The following MKRN2 variants were observed in gnomAD, a reference collection of about 807,000 sequenced individuals.
MKRN2 encodes the protein makorin ring finger protein 2.
In MKRN2, 32 loss-of-function variants were observed where a neutral mutation model predicts 45.4. The ratio of observed to expected loss-of-function variants is 0.70; its 90% confidence interval spans 0.53 to 0.95. The LOEUF (loss-of-function observed/expected upper bound fraction) is 0.95. Ranked by LOEUF, MKRN2 falls within the 40% of genes least tolerant of loss-of-function variation. The pLI is 0.00. For synonymous variants in MKRN2, 206 were observed against 192.4 expected (o/e 1.07, Z -0.59); for missense variants, 526 against 536.7 (o/e 0.98, Z 0.20).
In MKRN2 at chr3:12,582,959, G is replaced by GC. The variant is rs1233660312; in HGVS notation, c.*709dup. On this transcript the variant is annotated 3_prime_UTR_variant, in exon 8 of 8. Transcript: ENST00000170447. ...AGGTACAGTACTGGGTAGCAGTCTG[G>GC]CCCTCCTGTCGTCTGGTTGGTGTTG... 15 of 152,240 alleles carry GC rather than the reference G, an allele frequency of 9.9e-5. No individual in the cohort carries two copies. The highest frequency in any genetic ancestry group is 3.6e-4 in the African/African-American group (15 of 41,456). 9.4% of individuals were successfully genotyped at this position (152,240 alleles called of 1,614,324 possible). A position where few individuals can be genotyped will look rare whatever the true frequency, so the allele number is the denominator to read the frequency against.
At position 12,568,899 on chromosome 3, in the gene MKRN2, G is replaced by A; in HGVS notation, c.51G>A (p.Arg17=). 6.2e-7 allele frequency: 1 copy of A among 1,613,906 alleles called. No individual in the cohort carries two copies. Among genetic ancestry groups the A allele is most frequent in the East Asian group, 2.2e-5 (1 of 44,878 alleles). The change falls in exon 2 of 8, where the codon CGG becomes CGA. Residue 17 remains arginine, a synonymous_variant. Transcript: ENST00000170447. ...TCRYFMHGVC[R]EGSQCLFSHD... ...GGTATTTTATGCATGGTGTGTGTCG[G>A]GAAGGAAGTCAGTGCCTATTCTCAC... is the stretch of plus-strand genomic sequence containing the variant.
intron 1 of MKRN2, among the ~76,000 whole-genome samples, chr3:12,567,844 A>G (rs2058078242): frequency 6.6e-6 from 1 of 152,080 alleles, no homozygotes; most frequent in South Asian, 2.1e-4. Flanking sequence ...CTGTTTGAGT[A>G]TTCACTCAGG....
Position 12,581,941 on chromosome 3 carries a change from G to C in MKRN2, c.1102G>C (p.Gly368Arg), listed in dbSNP as rs2058182740. ...ACCTCGGAAACAGCTCAGTTCTCAAGGCACTGTGAGGGTAAGGACTTTAGC... is the reference window on the plus strand; with the variant it reads ...ACCTCGGAAACAGCTCAGTTCTCAACGCACTGTGAGGGTAAGGACTTTAGC... ...EKPRKQLSSQ[G>R]TVRFFNSVRL... The change falls in exon 7 of 8, where the codon GGC (glycine) becomes CGC (arginine). Residue 368 changes from glycine (G) to arginine (R), a missense_variant. Gly to Arg is a moderately radical substitution (Grantham distance 125). Transcript: ENST00000170447. The C allele has an allele frequency of 6.2e-7, 1 of 1,614,124 alleles. No homozygotes were observed. The highest frequency in any genetic ancestry group is 8.5e-7 in the Non-Finnish European group (1 of 1,180,034).
rs1165369144 is a variant in MKRN2, at chr3:12,557,160, A to C, written c.10A>C (p.Lys4Gln). The change falls in exon 1 of 8, where the codon AAG becomes CAG. Residue 4 changes from lysine (K) to glutamine (Q), a missense_variant. Coordinates refer to ENST00000170447, the MANE Select transcript of MKRN2 (RefSeq NM_014160.5). MST[K>Q]QITCRYFMHG... ...CCTCAGCCCAGCCACCATGAGCACC[A>C]AGCAGATCACTTGCAGGTCAGTGCG... The C allele has an allele frequency of 6.5e-7, 1 of 1,536,558 alleles. No homozygotes were observed. The highest frequency in any genetic ancestry group is 1.2e-5 in the South Asian group (1 of 82,628).
At chr3:12,573,162 G>T (rs188416754) in intron 4 of MKRN2, among the ~76,000 whole-genome samples, 386 of 152,222 alleles carry the variant, frequency 2.5e-3, no homozygotes, top group Non-Finnish European at 3.9e-3. Flanking sequence ...ATTAATGTCT[G>T]CAGTGTTTTG....
intron 6 of MKRN2, among the ~76,000 whole-genome samples, chr3:12,578,312 C>CTTTTTTTTTTTTTTT (rs71063833): frequency 1.4e-5 from 1 of 71,716 alleles, no homozygotes; most frequent in African/African-American, 5.7e-5. Context: ...AGAGCTACTT[C>CTTTTTTTTTTTTTTT]TTTTTTTTTT....
In MKRN2 at chr3:12,572,088, A is replaced by G. The variant is rs762374556; in HGVS notation, c.357A>G (p.Glu119=). ...TTTCAGATCTCTCTGGCATGGCTGAAAGGAAGACCCAGCCGAGCATGGTGA... is the reference window on the plus strand; with the variant it reads ...TTTCAGATCTCTCTGGCATGGCTGAGAGGAAGACCCAGCCGAGCATGGTGA... ...LRDRNLSGMA[E]RKTQPSMVSN... The change falls in exon 4 of 8, where the codon GAA becomes GAG. Residue 119 remains glutamate (E), a synonymous_variant. Coordinates refer to ENST00000170447, the MANE Select transcript of MKRN2 (RefSeq NM_014160.5). 1 of 1,609,050 alleles carries G rather than the reference A, an allele frequency of 6.2e-7. No homozygotes were observed. Among genetic ancestry groups the G allele is most frequent in the African/African-American group, 1.3e-5 (1 of 74,778 alleles).
chr3:12,557,571 A>G (rs1300506392), intron 1 of MKRN2, among the ~76,000 whole-genome samples: 28 of 152,280 alleles, frequency 1.8e-4, no homozygotes, highest in Non-Finnish European at 1.3e-4. Context: ...TGGGGATACC[A>G]CATAGGAGTA....
At chr3:12,567,289 T>C (rs929140843) in intron 1 of MKRN2, among the ~76,000 whole-genome samples, 1 of 151,896 alleles carries the variant, frequency 6.6e-6, no homozygotes, top group Non-Finnish European at 1.5e-5. Context: ...TTTTTTCTTT[T>C]GTGAGACAGG....
Position 12,581,844 on chromosome 3 carries a change from G to C in MKRN2, c.1005G>C (p.Gly335=). 2 of 1,614,172 alleles carry C rather than the reference G, an allele frequency of 1.2e-6. No individual in the cohort carries two copies. The highest frequency in any genetic ancestry group is 1.7e-6 in the Non-Finnish European group (2 of 1,180,042). ...GTAAATACTTTGAGCAAGGCAAGGG[G>C]ACCTGCCCATTTGGAAGCAAATGTC... The part of the protein sequence containing the change: ...KACKYFEQGK[G]TCPFGSKCLY... The change falls in exon 7 of 8, where the codon GGG becomes GGC. Residue 335 remains glycine, a synonymous_variant. Coordinates refer to ENST00000170447, the MANE Select transcript of MKRN2 (RefSeq NM_014160.5).
intron 6 of MKRN2, among the ~76,000 whole-genome samples, chr3:12,578,858 A>ATT (rs374121518): frequency 0.012 from 1,553 of 125,102 alleles, 23 homozygotes; most frequent in African/African-American, 0.014. Context: ...CTAAAGCTTG[A>ATT]TTTTTTTTTT....
chr3:12,567,839 T>G (rs959322176), intron 1 of MKRN2, among the ~76,000 whole-genome samples: 3 of 152,178 alleles, frequency 2.0e-5, no homozygotes, highest in Non-Finnish European at 4.4e-5. Flanking sequence ...CTCTACTGTT[T>G]GAGTATTCAC....
At chr3:12,572,017 C>T in intron 3 of MKRN2, 52 bp from the exon 4 acceptor site, 2 of 1,507,358 alleles carry the variant, frequency 1.3e-6, no homozygotes, top group Non-Finnish European at 1.8e-6. Flanking sequence ...TAACGGCATA[C>T]CAGAAAAATG....
chr3:12,565,083 A>G (rs934998298), intron 1 of MKRN2, among the ~76,000 whole-genome samples: 10 of 152,240 alleles, frequency 6.6e-5, no homozygotes, highest in African/African-American at 2.4e-4. Flanking sequence ...TGCTTTGGAC[A>G]TTCATGTACA....
At chr3:12,575,587 A>G (rs1266826436) in intron 5 of MKRN2, among the ~76,000 whole-genome samples, 1 of 152,106 alleles carries the variant, frequency 6.6e-6, no homozygotes, top group Non-Finnish European at 1.5e-5. Flanking sequence ...CATTCCCTCA[A>G]AGACCCTCCT....
At chr3:12,557,655 A>G (rs1370311345) in intron 1 of MKRN2, among the ~76,000 whole-genome samples, 2 of 152,282 alleles carry the variant, frequency 1.3e-5, no homozygotes, top group African/African-American at 2.4e-5. Flanking sequence ...AGAGTTAACA[A>G]GTAAAAGTTG....
At chr3:12,561,698 C>G (rs1238902207) in intron 1 of MKRN2, among the ~76,000 whole-genome samples, 1 of 152,174 alleles carries the variant, frequency 6.6e-6, no homozygotes, top group Non-Finnish European at 1.5e-5. Flanking sequence ...CACTTTGAAC[C>G]TGTCCTCTTT....
intron 1 of MKRN2, among the ~76,000 whole-genome samples, chr3:12,562,775 G>A (rs997537176): frequency 1.3e-5 from 2 of 151,900 alleles, no homozygotes; most frequent in East Asian, 1.9e-4. Flanking sequence ...AGGGATCTAC[G>A]TTGTGTGCTT....
intron 5 of MKRN2, among the ~76,000 whole-genome samples, chr3:12,575,446 C>T (rs769658354): frequency 6.6e-6 from 1 of 152,172 alleles, no homozygotes; most frequent in Non-Finnish European, 1.5e-5. Flanking sequence ...TGATGCCTGG[C>T]ACATGGGATG....
Sources: gnomAD v4.1 joint callset for allele counts (sites outside exome capture counted in the v4.1 genomes callset) on GRCh38, gnomAD v4.1.1 for gene constraint, MANE v1.5 for transcripts, NCBI Gene and HGNC (gene_info 2026-07-23, HGNC 2026-07-21) for gene names.